The following BTD variants were observed in gnomAD, a reference collection of about 807,000 sequenced individuals.
BTD encodes biotinidase, also known as biocytinase.
In BTD, 13 loss-of-function variants were observed where a neutral mutation model predicts 17.7. The ratio of observed to expected loss-of-function variants is 0.74; its 90% CI spans 0.48 to 1.17. The LOEUF (loss-of-function observed/expected upper bound fraction) is 1.17. Among genes scored for constraint, BTD ranks in the 50% most tolerant of loss-of-function variants. The probability of loss-of-function intolerance (pLI) is 0.00; values close to 1 mark genes in which losing one functional copy is unlikely to be tolerated. For missense variants in BTD, 674 were observed against 650.4 expected (o/e 1.04, Z -0.39); for synonymous variants, 240 against 245.2 (o/e 0.98, Z 0.20).
chr3:15,685,231 T>G (rs1047992781), intron 3 of BTD: 1 of 1,613,892 alleles, frequency 6.2e-7, no homozygotes, highest in Non-Finnish European at 8.5e-7. Context: ...TTAACCATTG[T>G]AGCAAGCCCA....
intron 1 of BTD, among the ~76,000 whole-genome samples, chr3:15,625,202 G>C (rs1012022098): frequency 1.3e-5 from 2 of 152,156 alleles, no homozygotes; most frequent in African/African-American, 4.8e-5. Flanking sequence ...GGATCTTTAG[G>C]GAGCCTGTGT....
intron 3 of BTD, among the ~76,000 whole-genome samples, chr3:15,692,200 C>T (rs2068904171): frequency 6.7e-6 from 1 of 149,118 alleles, no homozygotes; most frequent in Non-Finnish European, 1.5e-5. Flanking sequence ...ACCTATATCT[C>T]AGCACTTTGG....
chr3:15,624,981 C>T (rs1325619257), intron 1 of BTD, among the ~76,000 whole-genome samples: 2 of 152,214 alleles, frequency 1.3e-5, no homozygotes, highest in African/African-American at 4.8e-5. Flanking sequence ...TCCTTAGCCT[C>T]CCTAAGTGCT....
At chr3:15,712,115 A>C (rs547965105) in exon 4 of BTD, 11 of 1,549,656 alleles carry the variant, frequency 7.1e-6, no homozygotes, top group Non-Finnish European at 4.4e-6. Flanking sequence ...GGAGACATAC[A>C]AAAGGCTGCA....
chr3:15,606,619 A>C (rs1048757942), intron 1 of BTD: 1 of 152,238 alleles, frequency 6.6e-6, no homozygotes, highest in Non-Finnish European at 1.5e-5. Flanking sequence ...CAAAAGGATA[A>C]ATACTCAACT....
Position 15,712,296 on chromosome 3 carries a change from G to C in BTD, c.*2222G>C, listed in dbSNP as rs996089714. 4 of 1,214,232 alleles carry C rather than the reference G, an allele frequency of 3.3e-6. No individual in the cohort carries two copies. In the African/African-American group the frequency reaches 6.0e-5, roughly 18 times the overall value. 75.2% of individuals were successfully genotyped at this position (1,214,232 alleles called of 1,614,324 possible). On this transcript the variant is annotated 3_prime_UTR_variant, in exon 4 of 4. Transcript: ENST00000672141. ...TACAATCAGTTAAATACATTACAAA[G>C]AGACCACTTAAGTGAAAGATAACTA...
intron 3 of BTD, chr3:15,676,195 G>T: frequency 2.5e-6 from 1 of 403,860 alleles, no homozygotes; most frequent in Non-Finnish European, 4.4e-6. Context: ...CGTGTAGCTC[G>T]GCATCAAGCT....
At chr3:15,638,694 A>G (rs549906487) in intron 2 of BTD, among the ~76,000 whole-genome samples, 3 of 152,360 alleles carry the variant, frequency 2.0e-5, no homozygotes, top group African/African-American at 7.2e-5. Flanking sequence ...GAAAGGATGC[A>G]TCATTAGGCC....
intron 3 of BTD, chr3:15,686,404 G>C: frequency 2.0e-6 from 2 of 1,010,640 alleles, no homozygotes; most frequent in Non-Finnish European, 2.9e-6. Flanking sequence ...TTACTTTTGG[G>C]ATAGTTGCAC....
rs1035051625 is a variant in BTD, at chr3:15,690,293, A to G, written c.400-19767A>G. 8.1e-6 allele frequency: 10 copies of G among 1,241,542 alleles called. No homozygotes were observed. The African/African-American group carries it at 1.5e-4, about 19-fold the overall frequency. The allele number at this position is 1,241,542 out of a possible 1,614,324, so 76.9% of individuals were successfully genotyped here. On this transcript the variant is annotated intron_variant, in intron 3 of 3. Transcript: ENST00000672141. ...ACTTCCTAAATACTTGAATAAATGT[A>G]AATAAGCAAACTTGTCTTCATATTA...
chr3:15,631,957 TTC>T (rs1046869403), intron 1 of BTD, among the ~76,000 whole-genome samples: 8 of 152,098 alleles, frequency 5.3e-5, no homozygotes, highest in African/African-American at 1.7e-4. Flanking sequence ...TCCCTGTCAT[TTC>T]TCTCTCTGTG....
chr3:15,688,676 C>T (rs2068433120), intron 3 of BTD, among the ~76,000 whole-genome samples: 1 of 152,142 alleles, frequency 6.6e-6, no homozygotes, highest in Non-Finnish European at 1.5e-5. Flanking sequence ...AAATCCAAGA[C>T]ATATATTCAA....
intron 3 of BTD, among the ~76,000 whole-genome samples, chr3:15,692,978 G>A (rs547798047): frequency 1.3e-5 from 2 of 152,262 alleles, no homozygotes; most frequent in African/African-American, 4.8e-5. Flanking sequence ...AAACCTGCTA[G>A]ATGAAATAAG....
chr3:15,668,400 T>C (rs2066089381), intron 3 of BTD: 1 of 152,418 alleles, frequency 6.6e-6, no homozygotes, highest in South Asian at 2.1e-4. Flanking sequence ...TAGTCCACTG[T>C]CATTAAAATG....
At chr3:15,698,649 A>G (rs2070054625) in intron 3 of BTD, among the ~76,000 whole-genome samples, 1 of 152,182 alleles carries the variant, frequency 6.6e-6, no homozygotes, top group African/African-American at 2.4e-5. Context: ...AACTGCTACA[A>G]AGAGAGTAAA....
rs762058751 is a variant in BTD, at chr3:15,601,807, T to G, written c.-104T>G. 1 of 1,614,078 alleles carries G rather than the reference T, an allele frequency of 6.2e-7. No individual in the cohort carries two copies. Among genetic ancestry groups the G allele is most frequent in the Non-Finnish European group, 8.5e-7 (1 of 1,180,022 alleles). ...AACTCTGAGGCCTCTCGCCATTGTC[T>G]CCGAGTCGGCCAGCTGGAGCGTTTT... is the stretch of plus-strand genomic sequence containing the variant. On this transcript the variant is annotated 5_prime_UTR_variant, in exon 1 of 4. Coordinates refer to ENST00000643237, the MANE Select transcript of BTD (RefSeq NM_001370658.1).
chr3:15,653,325 C>G lies in BTD; in HGVS notation c.*7837C>G, dbSNP rs1450627699. ...CAGGTGCACGGGTCTTAATCATCACCTCAGTCCTCTGAAACAGGCAAGTGT... is the reference window on the plus strand; with the variant it reads ...CAGGTGCACGGGTCTTAATCATCACGTCAGTCCTCTGAAACAGGCAAGTGT... On this transcript the variant is annotated 3_prime_UTR_variant, in exon 4 of 4. Coordinates refer to ENST00000643237, the MANE Select transcript of BTD (RefSeq NM_001370658.1). Among the ~76,000 whole-genome samples the G allele has an allele frequency of 6.6e-6, 1 of 152,272 alleles. No individual in the cohort carries two copies. The highest frequency in any genetic ancestry group is 1.5e-5 in the Non-Finnish European group (1 of 68,052).
At chr3:15,661,476 T>C (rs1179059797) in intron 3 of BTD, among the ~76,000 whole-genome samples, 1 of 152,000 alleles carries the variant, frequency 6.6e-6, no homozygotes, top group Non-Finnish European at 1.5e-5. Context: ...CCTGTTAAGG[T>C]TTTTGGTCCA....
intron 3 of BTD, among the ~76,000 whole-genome samples, chr3:15,705,271 A>G (rs1014932345): frequency 6.6e-6 from 1 of 152,220 alleles, no homozygotes; most frequent in African/African-American, 2.4e-5. Flanking sequence ...TTGGCTTACA[A>G]TGAAACCACA....
Sources: allele counts gnomAD v4.1 joint callset (sites outside exome capture counted in the v4.1 genomes callset), GRCh38; gene constraint gnomAD v4.1.1; transcripts MANE v1.5; gene names NCBI Gene and HGNC (gene_info 2026-07-23, HGNC 2026-07-21).